The following GPC4 variants were observed in gnomAD, a reference collection of about 807,000 sequenced individuals.
GPC4 encodes glypican-4.
A neutral mutation model predicts 35.0 loss-of-function variants in GPC4; 10 were observed. That is an observed-to-expected ratio of 0.29 (90% CI 0.18 to 0.48). GPC4 has a LOEUF of 0.48. Among genes scored for constraint, GPC4 ranks in the 20% least tolerant of loss-of-function variants. GPC4 has a pLI of 0.99. For missense variants in GPC4, 322 were observed against 451.3 expected, an observed-to-expected ratio of 0.71 and a Z score of 2.60; for synonymous variants, 167 against 170.2, an observed-to-expected ratio of 0.98 and a Z score of 0.15.
intron 1 of GPC4, among the ~76,000 whole-genome samples, chrX:133,380,058 C>T (rs989957277): frequency 4.5e-5 from 5 of 110,562 alleles, no homozygotes; most frequent in Admixed American, 1.9e-4. Context: ...TGATGTGGGC[C>T]GGGCGTGGTG....
At chrX:133,355,103 C>G (rs1347975350) in intron 1 of GPC4, among the ~76,000 whole-genome samples, 1 of 111,945 alleles carries the variant, frequency 8.9e-6, no homozygotes. Flanking sequence ...ACCAGGCTAT[C>G]CAGAAAGCAT....
chrX:133,331,776 C>T (rs2068421382), intron 2 of GPC4, among the ~76,000 whole-genome samples: 1 of 99,452 alleles, frequency 1.0e-5, no homozygotes, highest in African/African-American at 4.0e-5. Flanking sequence ...AAAAAAAATT[C>T]AGAACATGAA....
chrX:133,373,388 G>GAC (rs745387266), intron 1 of GPC4, among the ~76,000 whole-genome samples: 1,681 of 107,102 alleles, frequency 0.016, 10 homozygotes, highest in Middle Eastern at 0.052. Context: ...GGTTATTGAA[G>GAC]ACACACACAC....
intron 3 of GPC4, among the ~76,000 whole-genome samples, chrX:133,315,581 T>C (rs2068334692): frequency 9.0e-6 from 1 of 111,545 alleles, no homozygotes; most frequent in Non-Finnish European, 1.9e-5. Flanking sequence ...TTACTTCTTT[T>C]GAGTCTTCCA....
chrX:133,350,703 T>C (rs1442960071), intron 1 of GPC4, among the ~76,000 whole-genome samples: 1 of 112,211 alleles, frequency 8.9e-6, no homozygotes, highest in East Asian at 2.8e-4. Flanking sequence ...TTCACAAAAT[T>C]CTTGCTAAAA....
intron 1 of GPC4, among the ~76,000 whole-genome samples, chrX:133,390,784 TA>T (rs1229228271): frequency 8.9e-6 from 1 of 111,748 alleles, no homozygotes; most frequent in Non-Finnish European, 1.9e-5. Flanking sequence ...CCTAGTAATA[TA>T]ATCAAGTTTA....
At chrX:133,341,982 T>C (rs1052988180) in intron 1 of GPC4, among the ~76,000 whole-genome samples, 1 of 107,692 alleles carries the variant, frequency 9.3e-6, no homozygotes, top group Middle Eastern at 4.3e-3. Flanking sequence ...CAGAACCTTA[T>C]CGAGACTTGC....
At chrX:133,401,335 C>CTGGG (rs2068767310) in intron 1 of GPC4, among the ~76,000 whole-genome samples, 1 of 111,293 alleles carries the variant, frequency 9.0e-6, no homozygotes, top group South Asian at 3.8e-4. Context: ...CTGGGGAGAG[C>CTGGG]CAGAGCCAGA....
intron 1 of GPC4, 65 bp downstream of exon 1, chrX:133,414,741 G>A: frequency 8.5e-7 from 1 of 1,169,725 alleles, no homozygotes; most frequent in Non-Finnish European, 1.1e-6. Flanking sequence ...GCGGGGGAAG[G>A]GAGTTGCAGC....
At chrX:133,396,133 A>G (rs907947783) in intron 1 of GPC4, among the ~76,000 whole-genome samples, 8 of 111,917 alleles carry the variant, frequency 7.1e-5, no homozygotes, top group Non-Finnish European at 1.1e-4. Context: ...AATGACTATC[A>G]CGACTGAAAT....
chrX:133,413,630 GC>G (rs60038940), intron 1 of GPC4, among the ~76,000 whole-genome samples: 47,622 of 103,200 alleles, frequency 0.46, 10,157 homozygotes, highest in African/African-American at 0.79. Context: ...TGGAGGCTCA[GC>G]CCCCCCCCCG....
chrX:133,404,546 C>CAAAAAAAAAAAA (rs766777711), intron 1 of GPC4, among the ~76,000 whole-genome samples: 5,371 of 36,707 alleles, frequency 0.15, 814 homozygotes, highest in African/African-American at 0.32. Flanking sequence ...GACTCTGCCT[C>CAAAAAAAAAAAA]AAAAAAAAAA....
In GPC4 at chrX:133,351,762, T is replaced by C. The variant is rs144340469; in HGVS notation, c.161-12421A>G. Among the ~76,000 whole-genome samples, 736 of 112,135 alleles carry C rather than the reference T, an allele frequency of 6.6e-3. 4 individuals are homozygous for C. The highest frequency in any genetic ancestry group is 7.6e-3 in the Non-Finnish European group (405 of 53,280). ...TATATTTACCACTTCGTGAACTAGTTACTTCAACTAGACCACTGCAAGAGA... is the reference window on the plus strand; with the variant it reads ...TATATTTACCACTTCGTGAACTAGTCACTTCAACTAGACCACTGCAAGAGA... On this transcript the variant is annotated intron_variant, in intron 1 of 8. Transcript: ENST00000370828.
chrX:133,371,221 A>T (rs192739925), intron 1 of GPC4, among the ~76,000 whole-genome samples: 3 of 112,570 alleles, frequency 2.7e-5, no homozygotes, highest in Admixed American at 9.4e-5. Flanking sequence ...TTAAACTGTT[A>T]ACTAAAAGTC....
chrX:133,309,473 G>A lies in GPC4; in HGVS notation c.877+1785C>T, dbSNP rs145548268. ...CCAGGAAAAACACGTAGGAGCATTT[G>A]TATTTTAATATAAGGATATGAGTTT... On this transcript the variant is annotated intron_variant, in intron 4 of 8. Coordinates refer to ENST00000370828, the MANE Select transcript of GPC4 (RefSeq NM_001448.3). 4.3e-3 allele frequency among the ~76,000 whole-genome samples: 486 copies of A among 112,801 alleles called. 5 individuals are homozygous for A. The highest frequency in any genetic ancestry group is 0.014 in the African/African-American group (451 of 31,157).
At chrX:133,354,568 A>ATTTTTTTTTTTTT (rs77166014) in intron 1 of GPC4, among the ~76,000 whole-genome samples, 1 of 95,206 alleles carries the variant, frequency 1.1e-5, no homozygotes, top group African/African-American at 4.2e-5. Context: ...TTATTTATTT[A>ATTTTTTTTTTTTT]TTTTTTTTTT....
At chrX:133,347,753 GA>G (rs1339557763) in intron 1 of GPC4, among the ~76,000 whole-genome samples, 1 of 111,263 alleles carries the variant, frequency 9.0e-6, no homozygotes. Flanking sequence ...AAAAAGGAGT[GA>G]AATTACTGCA....
At chrX:133,359,654 G>C (rs1034975666) in intron 1 of GPC4, among the ~76,000 whole-genome samples, 3 of 111,309 alleles carry the variant, frequency 2.7e-5, no homozygotes, top group African/African-American at 9.8e-5. Context: ...TCTTTGTCTT[G>C]TAAGGAGATG....
At chrX:133,399,081 T>C (rs1321338072) in intron 1 of GPC4, among the ~76,000 whole-genome samples, 1 of 111,734 alleles carries the variant, frequency 8.9e-6, no homozygotes, top group Non-Finnish European at 1.9e-5. Flanking sequence ...TTGTCACCAA[T>C]TGACAGATGC....
Sources: allele counts gnomAD v4.1 joint callset (sites outside exome capture counted in the v4.1 genomes callset), GRCh38; gene constraint gnomAD v4.1.1; transcripts MANE v1.5; gene names NCBI Gene and HGNC (gene_info 2026-07-23, HGNC 2026-07-21).